The following MAML3 variants were observed in gnomAD, a reference collection of about 807,000 sequenced individuals.
The protein encoded by MAML3 is mastermind-like protein 3.
A neutral mutation model predicts 101.9 loss-of-function variants in MAML3; 27 were observed. The ratio of observed to expected loss-of-function variants is 0.27; its 90% CI spans 0.20 to 0.37. MAML3 has a LOEUF of 0.37. Among genes scored for constraint, MAML3 ranks in the 10% least tolerant of loss-of-function variants. MAML3 has a pLI of 1.00. For synonymous variants in MAML3, 501 were observed against 555.9 expected (o/e 0.90, Z 1.39); for missense variants, 1,316 against 1,444.9 (o/e 0.91, Z 1.45).
At chr4:139,867,366 C>T (rs1332108221) in intron 2 of MAML3, among the ~76,000 whole-genome samples, 1 of 152,200 alleles carries the variant, frequency 6.6e-6, no homozygotes, top group Non-Finnish European at 1.5e-5. Context: ...AGTTAAAATC[C>T]ATAGGCCTAG....
intron 1 of MAML3, among the ~76,000 whole-genome samples, chr4:140,089,934 C>T (rs781635629): frequency 2.0e-5 from 3 of 152,126 alleles, no homozygotes; most frequent in Non-Finnish European, 2.9e-5. Context: ...TATGTGGTAG[C>T]GGTTAATCCA....
chr4:140,104,474 A>AT (rs565204552), intron 1 of MAML3, among the ~76,000 whole-genome samples: 75 of 86,990 alleles, frequency 8.6e-4, no homozygotes, highest in South Asian at 1.9e-3. Context: ...TATATATATA[A>AT]TTTTTTTTTT....
At chr4:139,984,911 G>A (rs1393265948) in intron 1 of MAML3, among the ~76,000 whole-genome samples, 2 of 152,164 alleles carry the variant, frequency 1.3e-5, no homozygotes, top group Non-Finnish European at 2.9e-5. Flanking sequence ...GAGCAGTATA[G>A]CTCCATCAAG....
At chr4:139,824,627 A>G (rs1731029343) in intron 2 of MAML3, among the ~76,000 whole-genome samples, 1 of 152,252 alleles carries the variant, frequency 6.6e-6, no homozygotes, top group Non-Finnish European at 1.5e-5. Context: ...GATGTTGATC[A>G]AAATATTCAT....
intron 1 of MAML3, among the ~76,000 whole-genome samples, chr4:139,995,848 G>T (rs1560861081): frequency 6.6e-6 from 1 of 150,670 alleles, no homozygotes; most frequent in Non-Finnish European, 1.5e-5. Context: ...AGTTTCATTT[G>T]CTTTTTTCTA....
intron 2 of MAML3, among the ~76,000 whole-genome samples, chr4:139,833,650 G>C (rs1731210545): frequency 6.6e-6 from 1 of 152,230 alleles, no homozygotes; most frequent in Non-Finnish European, 1.5e-5. Flanking sequence ...TACCATGCAA[G>C]AATTTATTCT....
intron 2 of MAML3, among the ~76,000 whole-genome samples, chr4:139,808,600 T>A (rs139165448): frequency 2.0e-5 from 3 of 152,164 alleles, no homozygotes; most frequent in African/African-American, 7.2e-5. Flanking sequence ...TGACACATTA[T>A]AGGATACACA....
At chr4:139,881,295 T>C (rs1367277360) in intron 2 of MAML3, among the ~76,000 whole-genome samples, 3 of 152,092 alleles carry the variant, frequency 2.0e-5, no homozygotes, top group Non-Finnish European at 4.4e-5. Context: ...AGGAGCCATA[T>C]GAAAACAGGG....
At chr4:139,979,019 C>G (rs1451520351) in intron 1 of MAML3, among the ~76,000 whole-genome samples, 2 of 152,124 alleles carry the variant, frequency 1.3e-5, no homozygotes, top group Non-Finnish European at 2.9e-5. Flanking sequence ...AACAAGCCTG[C>G]TTATGTGGTA....
chr4:139,823,063 G>A (rs1731002539), intron 2 of MAML3, among the ~76,000 whole-genome samples: 2 of 152,222 alleles, frequency 1.3e-5, no homozygotes, highest in South Asian at 4.1e-4. Flanking sequence ...TGGACATTGT[G>A]TGGCTTTGTC....
chr4:139,825,446 C>T (rs978847222), intron 2 of MAML3, among the ~76,000 whole-genome samples: 1 of 152,176 alleles, frequency 6.6e-6, no homozygotes, highest in Non-Finnish European at 1.5e-5. Context: ...CAACTTCCTA[C>T]GACCTTCCCT....
chr4:140,027,327 T>C (rs531821750), intron 1 of MAML3, among the ~76,000 whole-genome samples: 1 of 152,350 alleles, frequency 6.6e-6, no homozygotes, highest in African/African-American at 2.4e-5. Flanking sequence ...ACTTCTTTGC[T>C]TCCATTGCAG....
intron 2 of MAML3, among the ~76,000 whole-genome samples, chr4:139,873,984 G>A (rs896571548): frequency 6.6e-6 from 1 of 152,238 alleles, no homozygotes; most frequent in Non-Finnish European, 1.5e-5. Context: ...TTACTTTGGA[G>A]TTAAGTTTTT....
At chr4:140,027,189 G>T (rs1481636130) in intron 1 of MAML3, among the ~76,000 whole-genome samples, 1 of 152,050 alleles carries the variant, frequency 6.6e-6, no homozygotes, top group African/African-American at 2.4e-5. Flanking sequence ...GTTGCTTCTT[G>T]GTAGCCCATG....
At chr4:139,988,519 C>T (rs543673244) in intron 1 of MAML3, among the ~76,000 whole-genome samples, 2 of 152,094 alleles carry the variant, frequency 1.3e-5, no homozygotes, top group African/African-American at 2.4e-5. Context: ...CAAAAATTCC[C>T]GTTTCATGAG....
At chr4:139,938,341 A>G (rs1240267464) in intron 1 of MAML3, among the ~76,000 whole-genome samples, 1 of 152,206 alleles carries the variant, frequency 6.6e-6, no homozygotes, top group East Asian at 1.9e-4. Flanking sequence ...CCGTTTACAG[A>G]AAAGGACACT....
intron 2 of MAML3, among the ~76,000 whole-genome samples, chr4:139,885,208 C>T (rs1029668538): frequency 6.6e-6 from 1 of 151,826 alleles, no homozygotes; most frequent in Non-Finnish European, 1.5e-5. Context: ...GGACACTAGA[C>T]TGGGCAACAT....
intron 1 of MAML3, among the ~76,000 whole-genome samples, chr4:140,068,915 T>G (rs1727583731): frequency 6.6e-6 from 1 of 152,200 alleles, no homozygotes; most frequent in Non-Finnish European, 1.5e-5. Context: ...GTTTCTATCT[T>G]CCTCTCTACC....
chr4:140,082,401 C>T (rs1487168894), intron 1 of MAML3, among the ~76,000 whole-genome samples: 1 of 152,202 alleles, frequency 6.6e-6, no homozygotes, highest in African/African-American at 2.4e-5. Context: ...GCGACTGCCT[C>T]TGAGAGGAAG....
Sources: gnomAD v4.1 joint callset for allele counts (sites outside exome capture counted in the v4.1 genomes callset) on GRCh38, gnomAD v4.1.1 for gene constraint, MANE v1.5 for transcripts, NCBI Gene and HGNC (gene_info 2026-07-23, HGNC 2026-07-21) for gene names.